The following ALG9 variants were observed in gnomAD, a reference collection of about 807,000 sequenced individuals.
ALG9 encodes the protein ALG9 alpha-1,2-mannosyltransferase, also known as alpha-1,2-mannosyltransferase ALG9.
In ALG9, 55 loss-of-function variants were observed where a neutral mutation model predicts 81.8. The observed-to-expected ratio is 0.67, with a 90% confidence interval of 0.54 to 0.84. The LOEUF is 0.84. ALG9 is among the 40% of genes least tolerant of loss of function. The pLI is 0.00. For missense variants in ALG9, 629 were observed against 745.0 expected (o/e 0.84, Z 1.81); for synonymous variants, 278 against 274.3 (o/e 1.01, Z -0.13).
chr11:111,805,016 T>C (rs1949712261), intron 14 of ALG9: 1 of 274,202 alleles, frequency 3.6e-6, no homozygotes, highest in Non-Finnish European at 7.2e-6. Flanking sequence ...GGGATGTTTA[T>C]AGCAGCTTTA....
downstream of ALG9, chr11:111,778,443 A>G (rs1322128268): frequency 2.0e-5 from 3 of 152,234 alleles, no homozygotes; most frequent in African/African-American, 7.2e-5. Flanking sequence ...TCAGTATCAT[A>G]TTAGTTAATT....
chr11:111,858,173 G>T (rs1959012577), intron 5 of ALG9, among the ~76,000 whole-genome samples: 1 of 152,096 alleles, frequency 6.6e-6, no homozygotes. Flanking sequence ...TTGACCTCGT[G>T]ATCTGCCTGT....
the ALG9 span, chr11:111,768,756 G>A: frequency 2.7e-5 from 4 of 149,458 alleles, no homozygotes; most frequent in Non-Finnish European, 5.9e-5. Context: ...TAAACTCCTG[G>A]ACTCAAGCAA....
chr11:111,808,343 G>A (rs1285143746), intron 14 of ALG9, among the ~76,000 whole-genome samples: 5 of 152,142 alleles, frequency 3.3e-5, no homozygotes, highest in African/African-American at 1.2e-4. Context: ...ACAATGACCT[G>A]CCTGGGCACC....
intron 14 of ALG9, among the ~76,000 whole-genome samples, chr11:111,792,480 G>A (rs782326728): frequency 6.6e-6 from 1 of 152,168 alleles, no homozygotes; most frequent in Non-Finnish European, 1.5e-5. Flanking sequence ...TTAAATGCCA[G>A]GAACACAATG....
intron 13 of ALG9, among the ~76,000 whole-genome samples, chr11:111,816,736 T>C (rs1027843435): frequency 2.0e-5 from 3 of 152,266 alleles, no homozygotes; most frequent in African/African-American, 7.2e-5. Context: ...TTTAAATTTT[T>C]TAAAATAGAG....
chr11:111,771,114 A>C, the ALG9 span: 1 of 152,366 alleles, frequency 6.6e-6, no homozygotes, highest in Admixed American at 6.5e-5. Flanking sequence ...TCACATTAAC[A>C]GCTCTCAAAG....
chr11:111,779,226 C>G (rs1204364096), downstream of ALG9, among the ~76,000 whole-genome samples: 2 of 152,144 alleles, frequency 1.3e-5, no homozygotes, highest in Non-Finnish European at 2.9e-5. Flanking sequence ...GCTGTTGAAG[C>G]AGCTAACCAA....
intron 3 of ALG9, among the ~76,000 whole-genome samples, chr11:111,866,069 CG>C (rs1333619079): frequency 8.5e-5 from 13 of 152,076 alleles, no homozygotes; most frequent in African/African-American, 3.1e-4. Flanking sequence ...CCGAGGCAGG[CG>C]GATCACTTGA....
rs1482879388 is a variant in ALG9 at position 111,871,050 on chromosome 11, A to G, written c.131+302T>C. ...GCTGTGAGGAACAGCCGTAAAAGGTATACTCTTTGATCCTGTCTACATCTC... is the reference window on the plus strand; with the variant it reads ...GCTGTGAGGAACAGCCGTAAAAGGTGTACTCTTTGATCCTGTCTACATCTC... On this transcript the variant is annotated intron_variant, in intron 1 of 14. Transcript: ENST00000616540. 5 of 1,120,378 alleles carry G rather than the reference A, an allele frequency of 4.5e-6. No homozygotes were observed. The African/African-American group carries it at 6.5e-5, about 15-fold the overall frequency. The allele number at this position is 1,120,378 out of a possible 1,614,324, so 69.4% of individuals were successfully genotyped here.
At chr11:111,800,614 G>C (rs1948967139) in intron 14 of ALG9, among the ~76,000 whole-genome samples, 1 of 150,916 alleles carries the variant, frequency 6.6e-6, no homozygotes, top group African/African-American at 2.4e-5. Context: ...GAAAACTCCA[G>C]GTGTCTCCCC....
intron 8 of ALG9, among the ~76,000 whole-genome samples, 171 bp from the exon 9 acceptor site, chr11:111,844,894 G>A (rs1282579442): frequency 6.6e-6 from 1 of 152,162 alleles, no homozygotes. Context: ...AAGCACAAGA[G>A]CGAGATGGAA....
intron 13 of ALG9, 82 bp downstream of exon 13, chr11:111,836,083 A>G: frequency 1.3e-6 from 2 of 1,588,438 alleles, no homozygotes; most frequent in Non-Finnish European, 1.7e-6. Context: ...TTCTCATTTT[A>G]TCAATGCTCT....
At chr11:111,866,752 G>A (rs1962613382) in intron 3 of ALG9, among the ~76,000 whole-genome samples, 1 of 151,206 alleles carries the variant, frequency 6.6e-6, no homozygotes, top group Admixed American at 6.6e-5. Flanking sequence ...GTTTTCTGCT[G>A]AGCCCTTCAC....
the ALG9 span, among the ~76,000 whole-genome samples, chr11:111,770,631 C>T: frequency 2.6e-5 from 4 of 151,920 alleles, no homozygotes; most frequent in African/African-American, 9.7e-5. Flanking sequence ...CCCAGGTGTT[C>T]GAGGCTACAG....
In ALG9 at chr11:111,809,711, C is replaced by T. The variant is rs782445736; in HGVS notation, c.1665G>A (p.Glu555=). The T allele has an allele frequency of 1.2e-5, 19 of 1,613,988 alleles. No individual in the cohort carries two copies. In the Admixed American group the frequency reaches 2.5e-4, roughly 21 times the overall value. The change falls in exon 14 of 15, where the codon GAG becomes GAA. Residue 555 remains glutamate, a synonymous_variant. Coordinates refer to ENST00000616540, the MANE Select transcript of ALG9 (RefSeq NM_024740.2). ...DLDTMRETPR[E]PKYSSNKEEW... ...CTTCTTTATTGGATGAATATTTTGG[C>T]TCCCGGGGTGTTTCTCTCATGGTGT...
intron 13 of ALG9, among the ~76,000 whole-genome samples, chr11:111,813,012 G>A (rs536246857): frequency 6.6e-6 from 1 of 151,028 alleles, no homozygotes; most frequent in East Asian, 1.9e-4. Flanking sequence ...GGTACATGCA[G>A]ACCCTTATTT....
intron 14 of ALG9, among the ~76,000 whole-genome samples, chr11:111,801,685 C>A (rs1005125968): frequency 1.3e-5 from 2 of 152,320 alleles, no homozygotes; most frequent in Non-Finnish European, 2.9e-5. Context: ...ATACTTTACA[C>A]ATGAACTGTA....
intron 9 of ALG9, 29 bp downstream of exon 9, chr11:111,844,572 A>G (rs1956690651): frequency 7.4e-6 from 12 of 1,613,550 alleles, no homozygotes; most frequent in Non-Finnish European, 1.0e-5. Flanking sequence ...TTTCCTCCCA[A>G]AACACCTACC....
Sources: allele counts gnomAD v4.1 joint callset (sites outside exome capture counted in the v4.1 genomes callset), GRCh38; gene constraint gnomAD v4.1.1; transcripts MANE v1.5; gene names NCBI Gene and HGNC (gene_info 2026-07-23, HGNC 2026-07-21).